The following CDH23 variants were observed in gnomAD, a reference collection of about 807,000 sequenced individuals.
CDH23 encodes cadherin-23.
A neutral mutation model predicts 317.1 loss-of-function variants in CDH23; 189 were observed. The observed-to-expected ratio is 0.60, with a 90% CI of 0.53 to 0.67. The LOEUF (loss-of-function observed/expected upper bound fraction) is 0.67, where lower values mean the gene tolerates loss of function less well. Ranked by LOEUF, CDH23 falls within the 30% of genes least tolerant of loss-of-function variation. The pLI is 0.00. For missense variants in CDH23, 4,401 were observed against 4,592.4 expected (o/e 0.96, Z 1.20); for synonymous variants, 1,839 against 1,876.8 (o/e 0.98, Z 0.52).
rs559400621 is a variant in CDH23, at chr10:71,397,673, G to A, written c.-6+355G>A. Among the ~76,000 whole-genome samples, 1 of 152,132 alleles carries A rather than the reference G, an allele frequency of 6.6e-6. No homozygotes were observed. The highest frequency in any genetic ancestry group is 2.4e-5 in the African/African-American group (1 of 41,446). ...GCTACGGAGAGGGTCCAGGTCTGGG[G>A]TGGAGAGATTTTCGAGAGTGGAGCG... On this transcript the variant is annotated intron_variant, in intron 1 of 69. Coordinates refer to ENST00000224721, the MANE Select transcript of CDH23 (RefSeq NM_022124.6). The surrounding 1 kb of genome is among the most constrained non-coding windows in gnomAD (Gnocchi z 4.8).
intron 6 of CDH23, among the ~76,000 whole-genome samples, chr10:71,539,113 C>T (rs1176130587): frequency 1.3e-5 from 2 of 152,222 alleles, no homozygotes; most frequent in African/African-American, 4.8e-5. Context: ...ACTACCACTC[C>T]CTAGTTCTCT....
At chr10:71,551,684 A>G (rs984356365) in intron 6 of CDH23, among the ~76,000 whole-genome samples, 4 of 152,038 alleles carry the variant, frequency 2.6e-5, no homozygotes, top group African/African-American at 4.8e-5. Context: ...TGGTCTTCTC[A>G]TGGTCTTTGT....
At chr10:71,605,251 T>A (rs1010409089) in intron 9 of CDH23, among the ~76,000 whole-genome samples, 129 of 151,014 alleles carry the variant, frequency 8.5e-4, no homozygotes, top group Admixed American at 1.7e-3. Flanking sequence ...CCTTTTTTTT[T>A]TAAAAAAAAA....
rs544278944 is a variant in CDH23, at chr10:71,738,634, G to A, written c.4346G>A (p.Gly1449Asp). 44 of 1,613,078 alleles carry A rather than the reference G, an allele frequency of 2.7e-5. No homozygotes were observed. The East Asian group carries it at 8.5e-4, about 31-fold the overall frequency. Residue 1449 changes from glycine (G) to aspartate (D), a missense_variant, in exon 35 of 70, where the codon GGC (glycine) becomes GAC (aspartate). Gly to Asp is a moderately conservative substitution (Grantham distance 94, BLOSUM62 -1). This residue lies in a region of CDH23 where 3,068 missense variants were observed against 3,203.3 expected (regional missense o/e 0.96). Transcript: ENST00000224721. ...GTCAAGGCCTGGGACCCTGATGCTG[G>A]CAGCAATGGGCAGGTGGGCCACCGA... ...ATVKAWDPDAGSNGQVVFSLA... is the reference protein window; with the variant it reads ...ATVKAWDPDADSNGQVVFSLA...
intron 6 of CDH23, among the ~76,000 whole-genome samples, chr10:71,565,672 T>C (rs562202762): frequency 5.8e-4 from 88 of 152,334 alleles, no homozygotes; most frequent in African/African-American, 1.9e-3. Context: ...TTGCAACTAC[T>C]GTCTTCTCAG....
At chr10:71,590,873 T>TAAAAAAAAAACAA (rs1859423643) in intron 9 of CDH23, among the ~76,000 whole-genome samples, 16 of 72,218 alleles carry the variant, frequency 2.2e-4, no homozygotes, top group South Asian at 1.6e-3. Flanking sequence ...ACCCTGTCTC[T>TAAAAAAAAAACAA]AAAAAAAAAA....
intron 6 of CDH23, among the ~76,000 whole-genome samples, chr10:71,560,208 C>T (rs1236228568): frequency 2.6e-5 from 4 of 152,198 alleles, no homozygotes; most frequent in Non-Finnish European, 4.4e-5. Flanking sequence ...CAACAGAAAC[C>T]GAAGTGCAGA....
intron 12 of CDH23, among the ~76,000 whole-genome samples, chr10:71,645,023 G>T (rs952619928): frequency 1.3e-5 from 2 of 152,374 alleles, no homozygotes; most frequent in South Asian, 2.1e-4. Context: ...TCCTCCCCAT[G>T]ATCTGGAGAC....
intron 3 of CDH23, among the ~76,000 whole-genome samples, chr10:71,479,046 C>T (rs377337960): frequency 8.5e-5 from 13 of 152,126 alleles, no homozygotes; most frequent in Admixed American, 3.3e-4. Flanking sequence ...GGGACTTCCA[C>T]GTATGGTTCT....
intron 3 of CDH23, among the ~76,000 whole-genome samples, chr10:71,485,767 A>G (rs1037613087): frequency 2.6e-5 from 4 of 152,240 alleles, no homozygotes; most frequent in Admixed American, 2.6e-4. Context: ...GTGGGTGGTC[A>G]TGCTGGAGTC....
chr10:71,775,894 C>G (rs1011201515), intron 38 of CDH23, among the ~76,000 whole-genome samples: 1 of 152,204 alleles, frequency 6.6e-6, no homozygotes, highest in African/African-American at 2.4e-5. Context: ...TGAGTACTCT[C>G]TACTGGTGAG....
chr10:71,647,549 G>T (rs1320443716), intron 14 of CDH23: 1 of 152,194 alleles, frequency 6.6e-6, no homozygotes, highest in East Asian at 1.9e-4. Context: ...ACTGGGCTCT[G>T]CTTTTTTGTA....
intron 28 of CDH23, chr10:71,716,086 C>T (rs1332978234): frequency 5.2e-6 from 8 of 1,528,354 alleles, no homozygotes; most frequent in Non-Finnish European, 7.1e-6. Flanking sequence ...GGAGCTGGGG[C>T]TCACTGGGGC....
intron 30 of CDH23, among the ~76,000 whole-genome samples, chr10:71,726,867 C>T (rs1372178586): frequency 6.6e-6 from 1 of 152,224 alleles, no homozygotes; most frequent in Non-Finnish European, 1.5e-5. Flanking sequence ...CTGCCTCCTC[C>T]CATCAGTGCC....
chr10:71,611,060 G>GACCCCAGC (rs1374111577), intron 9 of CDH23, among the ~76,000 whole-genome samples: 18 of 147,806 alleles, frequency 1.2e-4, no homozygotes, highest in African/African-American at 3.6e-4. Flanking sequence ...CCTGGTGAGC[G>GACCCCAGC]CCCCCAGCCC....
chr10:71,490,841 G>C (rs12761084), intron 3 of CDH23, among the ~76,000 whole-genome samples: 1 of 152,062 alleles, frequency 6.6e-6, no homozygotes, highest in African/African-American at 2.4e-5. Context: ...TGAGGCACAG[G>C]GAGGCAAAGT....
Position 71,617,234 on chromosome 10 carries a change from A to T in CDH23, c.975A>T (p.Pro325=), listed in dbSNP as rs373112792. Residue 325 remains proline, a synonymous_variant, in exon 11 of 70, where the codon CCA becomes CCT. Transcript: ENST00000224721. The part of the protein sequence containing the change: ...KGTELNDDRT[P]SDATVTTTFN... The stretch of plus-strand genomic sequence containing the variant: ...CGGAGCTGAACGATGACCGCACCCC[A>T]TCTGACGCTACAGTCACCACGACCT... 4.2e-5 allele frequency: 68 copies of T among 1,613,850 alleles called. No individual in the cohort carries two copies. Among genetic ancestry groups the T allele is most frequent in the Non-Finnish European group, 5.7e-5 (67 of 1,179,888 alleles).
At chr10:71,667,716 T>C (rs1287035955) in intron 14 of CDH23, among the ~76,000 whole-genome samples, 1 of 151,880 alleles carries the variant, frequency 6.6e-6, no homozygotes, top group Non-Finnish European at 1.5e-5. Context: ...TGACTGTTAA[T>C]TGCAAAGAAA....
intron 17 of CDH23, among the ~76,000 whole-genome samples, chr10:71,680,519 C>T (rs146760941): frequency 0.024 from 3,640 of 152,098 alleles, 202 homozygotes; most frequent in East Asian, 0.18. Context: ...AGGCCGAGAC[C>T]GGCGGATCAA....
Sources: allele counts gnomAD v4.1 joint callset (sites outside exome capture counted in the v4.1 genomes callset), GRCh38; gene constraint gnomAD v4.1.1; regional missense constraint gnomAD v4.1.1; non-coding constraint Gnocchi (gnomAD v3.1); transcripts MANE v1.5; gene names NCBI Gene and HGNC (gene_info 2026-07-23, HGNC 2026-07-21).